Variants in GALNT14 observed in about 807,000 individuals in gnomAD.
GALNT14 encodes polypeptide N-acetylgalactosaminyltransferase 14, also known as UDP-GalNAc:polypeptide N-acetylgalactosaminyltransferase 14.
Under a neutral mutation model 77.5 loss-of-function variants are expected in GALNT14, and 60 were observed. That is an observed-to-expected ratio of 0.77 (90% CI 0.63 to 0.96). The LOEUF (loss-of-function observed/expected upper bound fraction) is 0.96. Among genes scored for constraint, GALNT14 ranks in the 40% least tolerant of loss-of-function variants. GALNT14 has a pLI of 0.00. For missense variants in GALNT14, 710 were observed against 731.0 expected (o/e 0.97, Z 0.33); for synonymous variants, 280 against 281.7 (o/e 0.99, Z 0.06).
chr2:31,078,598 A>G (rs575260032), intron 1 of GALNT14, among the ~76,000 whole-genome samples: 240 of 152,312 alleles, frequency 1.6e-3, no homozygotes, highest in African/African-American at 5.4e-3. Context: ...GATCAAATCA[A>G]TCCCATTCAC....
At chr2:31,073,381 A>G (rs1243374657) in intron 1 of GALNT14, among the ~76,000 whole-genome samples, 1 of 152,242 alleles carries the variant, frequency 6.6e-6, no homozygotes, top group Admixed American at 6.5e-5. Flanking sequence ...AGTCAAAAAA[A>G]CAAAGATTTT....
chr2:30,910,805 CTG>C lies in GALNT14; in HGVS notation c.*94_*95del. The C allele has an allele frequency of 7.3e-7, 1 of 1,361,746 alleles. No individual in the cohort carries two copies. The highest frequency in any genetic ancestry group is 1.0e-6 in the Non-Finnish European group (1 of 988,588). The allele number at this position is 1,361,746 out of a possible 1,614,324, so 84.4% of individuals were successfully genotyped here. A position where few individuals can be genotyped will look rare whatever the true frequency, so the allele number is the denominator to read the frequency against. On this transcript the variant is annotated 3_prime_UTR_variant, in exon 15 of 15. Transcript: ENST00000349752. ...GCCTCCACCTCCCAGTCCAGGATGTCTGAGGTGGTTGCAGGCTGCTTGCTGCC... is the reference window on the plus strand; with the variant it reads ...GCCTCCACCTCCCAGTCCAGGATGTCAGGTGGTTGCAGGCTGCTTGCTGCC...
chr2:30,945,782 C>T lies in GALNT14; in HGVS notation c.742+1G>A, dbSNP rs756000170. The T allele has an allele frequency of 2.5e-5, 40 of 1,613,314 alleles. No individual in the cohort carries two copies. Among genetic ancestry groups the T allele is most frequent in the Non-Finnish European group, 3.3e-5 (39 of 1,179,344 alleles). ...GGGGAGGAGGTGTTAGCCCAACTCA[C>T]CCCCTCTGAGCTCCGAGGCAGACTC... On this transcript the variant is annotated splice_donor_variant, in intron 7 of 14. Coordinates refer to ENST00000349752, the MANE Select transcript of GALNT14 (RefSeq NM_024572.4). LOFTEE classifies it high-confidence loss of function.
chr2:31,012,818 G>T (rs1671114564), intron 1 of GALNT14, among the ~76,000 whole-genome samples: 1 of 151,866 alleles, frequency 6.6e-6, no homozygotes, highest in Admixed American at 6.6e-5. Flanking sequence ...AAAAACCCCA[G>T]TCTAAATAAA....
chr2:30,966,957 G>A (rs1668049161), intron 2 of GALNT14, among the ~76,000 whole-genome samples: 1 of 152,202 alleles, frequency 6.6e-6, no homozygotes, highest in Non-Finnish European at 1.5e-5. Flanking sequence ...GAAAATTGTA[G>A]CCTGCAGCTT....
chr2:31,041,681 G>A (rs1673102494), intron 1 of GALNT14, among the ~76,000 whole-genome samples: 1 of 152,184 alleles, frequency 6.6e-6, no homozygotes, highest in African/African-American at 2.4e-5. Context: ...TGAGCAGGGA[G>A]GGGAAGGATA....
In GALNT14 at chr2:30,992,808, G is replaced by A. The variant is rs766054328; in HGVS notation, c.299+30C>T. 1.0e-5 allele frequency: 16 copies of A among 1,607,608 alleles called. No homozygotes were observed. The East Asian group carries it at 3.6e-4, about 36-fold the overall frequency. On this transcript the variant is annotated intron_variant, in intron 2 of 14. Coordinates refer to ENST00000349752, the MANE Select transcript of GALNT14 (RefSeq NM_024572.4). ...TGCTGTTGATCTCTTTTGACTGCGG[G>A]GGTAACAGAGTGGGAGAAGGAGGAA...
chr2:30,958,475 G>T lies in GALNT14; in HGVS notation c.399-11C>A. The T allele has an allele frequency of 1.2e-6, 2 of 1,611,854 alleles. No individual in the cohort carries two copies. The highest frequency in any genetic ancestry group is 1.7e-6 in the Non-Finnish European group (2 of 1,178,638). ...GTGCGGTTTAATACACTGCAAGATG[G>T]AAACAGAAAAAAATCACTGGAACTT... On this transcript the variant is annotated splice_polypyrimidine_tract_variant and intron_variant, in intron 3 of 14. Transcript: ENST00000349752.
chr2:30,931,436 GAA>G (rs2148251208), intron 10 of GALNT14, among the ~76,000 whole-genome samples: 1 of 152,158 alleles, frequency 6.6e-6, no homozygotes, highest in East Asian at 1.9e-4. Context: ...AGAAATGGAG[GAA>G]AAAAGAGTGG....
intron 1 of GALNT14, among the ~76,000 whole-genome samples, chr2:31,015,942 A>G (rs1012209843): frequency 6.6e-6 from 1 of 152,186 alleles, no homozygotes; most frequent in Admixed American, 6.5e-5. Flanking sequence ...CGAGACCTTG[A>G]AGCAGGCTGA....
intron 4 of GALNT14, among the ~76,000 whole-genome samples, chr2:30,956,433 A>G (rs970290365): frequency 6.6e-6 from 1 of 152,226 alleles, no homozygotes; most frequent in African/African-American, 2.4e-5. Context: ...TGCAATGTGT[A>G]ATAATCACAT....
chr2:30,977,618 A>G (rs1668717173), intron 2 of GALNT14, among the ~76,000 whole-genome samples: 1 of 152,140 alleles, frequency 6.6e-6, no homozygotes, highest in Admixed American at 6.5e-5. Context: ...AGCTATAAGG[A>G]GCAAAAGTAA....
chr2:31,126,921 CA>C (rs1262055878), intron 1 of GALNT14: 1 of 152,120 alleles, frequency 6.6e-6, no homozygotes, highest in Non-Finnish European at 1.5e-5. Flanking sequence ...AGACCTTTTC[CA>C]AAGACTTATT....
intron 2 of GALNT14, among the ~76,000 whole-genome samples, chr2:30,977,181 C>T (rs1051897156): frequency 2.6e-5 from 4 of 151,454 alleles, no homozygotes; most frequent in African/African-American, 7.3e-5. Context: ...CCTCTGCCTC[C>T]GGCGTTCAAG....
chr2:30,978,548 G>A (rs759880589), intron 2 of GALNT14, among the ~76,000 whole-genome samples: 8 of 152,130 alleles, frequency 5.3e-5, no homozygotes, highest in African/African-American at 9.7e-5. Context: ...CAATTGTGGC[G>A]CTGGATTTAT....
chr2:30,957,827 G>A (rs1251472267), intron 4 of GALNT14, among the ~76,000 whole-genome samples: 1 of 152,194 alleles, frequency 6.6e-6, no homozygotes, highest in Non-Finnish European at 1.5e-5. Context: ...CTGTACCCAG[G>A]CTCCTGGGAG....
At chr2:31,004,982 C>T (rs960659640) in intron 1 of GALNT14, among the ~76,000 whole-genome samples, 5 of 152,158 alleles carry the variant, frequency 3.3e-5, no homozygotes, top group Admixed American at 6.5e-5. Flanking sequence ...TTGTAGGTGC[C>T]GCACAATACC....
rs777654707 is a variant in GALNT14 at position 30,932,080 on chromosome 2, T to C, written c.1046A>G (p.Asn349Ser). Reference sequence around the variant, plus strand: ...CCTGGGCACTTACTTTATATACGTGTTGGCATTTCCATCAGGGAAAACGTA... The same window carrying C: ...CCTGGGCACTTACTTTATATACGTGCTGGCATTTCCATCAGGGAAAACGTA... The part of the protein sequence containing the change: ...HPYVFPDGNA[N>S]TYIKNTKRTA... Residue 349 changes from asparagine to serine, a missense_variant, in exon 10 of 15, where the codon AAC (asparagine) becomes AGC (serine). Coordinates refer to ENST00000349752, the MANE Select transcript of GALNT14 (RefSeq NM_024572.4). 6.4e-7 allele frequency: 1 copy of C among 1,566,616 alleles called. No individual in the cohort carries two copies. The highest frequency in any genetic ancestry group is 1.9e-5 in the Admixed American group (1 of 53,888).
chr2:31,108,046 A>G (rs145880333), intron 1 of GALNT14, among the ~76,000 whole-genome samples: 1 of 152,206 alleles, frequency 6.6e-6, no homozygotes, highest in Non-Finnish European at 1.5e-5. Flanking sequence ...GTCCTGTCTC[A>G]TATCTCTGGC....
Sources: allele counts gnomAD v4.1 joint callset (sites outside exome capture counted in the v4.1 genomes callset), GRCh38; gene constraint gnomAD v4.1.1; transcripts MANE v1.5; gene names NCBI Gene and HGNC (gene_info 2026-07-23, HGNC 2026-07-21).